The following COG5 variants were observed in gnomAD, a reference collection of about 807,000 sequenced individuals.
The protein encoded by COG5 is conserved oligomeric Golgi complex subunit 5.
Under a neutral mutation model 110.4 loss-of-function variants are expected in COG5, and 86 were observed. That is an observed-to-expected ratio of 0.78 (90% confidence interval 0.65 to 0.93). The LOEUF (loss-of-function observed/expected upper bound fraction) is 0.93. Among genes scored for constraint, COG5 ranks in the 40% least tolerant of loss-of-function variants. COG5 has a pLI of 0.00. For synonymous variants in COG5, 360 were observed against 334.6 expected (o/e 1.08, Z -0.83); for missense variants, 1,077 against 987.0 (o/e 1.09, Z -1.22).
chr7:107,429,691 G>C (rs1477685241), intron 6 of COG5, among the ~76,000 whole-genome samples: 1 of 152,140 alleles, frequency 6.6e-6, no homozygotes, highest in East Asian at 1.9e-4. Context: ...GGACCTGGTG[G>C]GAGGTAATCC....
At chr7:107,323,383 T>C (rs530120528) in intron 11 of COG5, among the ~76,000 whole-genome samples, 24 of 151,904 alleles carry the variant, frequency 1.6e-4, no homozygotes, top group Non-Finnish European at 3.4e-4. Context: ...ACAAAAAAAT[T>C]AGCCAGGAGT....
At chr7:107,492,167 T>TTGTGTGTGTGTG (rs1798010608) in intron 6 of COG5, among the ~76,000 whole-genome samples, 1 of 78,440 alleles carries the variant, frequency 1.3e-5, no homozygotes, top group Non-Finnish European at 2.8e-5. Flanking sequence ...CAACAATGGG[T>TTGTGTGTGTGTG]AGTGTGTGTG....
At chr7:107,534,083 T>C (rs1801404648) in intron 5 of COG5, among the ~76,000 whole-genome samples, 1 of 151,318 alleles carries the variant, frequency 6.6e-6, no homozygotes, top group Non-Finnish European at 1.5e-5. Context: ...ATAAGCAAAG[T>C]AGAAATAAAA....
chr7:107,229,805 C>T (rs1436213178), intron 19 of COG5, among the ~76,000 whole-genome samples: 3 of 148,876 alleles, frequency 2.0e-5, no homozygotes, highest in African/African-American at 7.4e-5. Flanking sequence ...CTCTGCACTT[C>T]ATCATTGAAC....
intron 6 of COG5, among the ~76,000 whole-genome samples, chr7:107,515,393 C>T (rs1312559297): frequency 4.6e-5 from 7 of 152,158 alleles, no homozygotes; most frequent in African/African-American, 1.7e-4. Context: ...AAGTTTATCA[C>T]GGTAACCTAT....
rs539381039 is a variant in COG5, at chr7:107,278,535, C to T, written c.1575+2765G>A. On this transcript the variant is annotated intron_variant, in intron 14 of 21. Transcript: ENST00000297135. ...AATATGCAGTGTTTGGTTTTCTGTT[C>T]CTGTGTTTGTTTGCTGAGAATGATG... 3.8e-3 allele frequency among the ~76,000 whole-genome samples: 573 copies of T among 152,240 alleles called. 5 individuals carry two copies. Among genetic ancestry groups the T allele is most frequent in the Non-Finnish European group, 6.2e-3 (422 of 68,038 alleles).
intron 11 of COG5, among the ~76,000 whole-genome samples, chr7:107,302,330 T>C (rs1407215876): frequency 6.6e-6 from 1 of 152,118 alleles, no homozygotes; most frequent in Non-Finnish European, 1.5e-5. Context: ...CAAACTACCA[T>C]ATAGTAACAA....
chr7:107,374,741 A>G (rs1311214159), intron 7 of COG5, among the ~76,000 whole-genome samples: 2 of 152,084 alleles, frequency 1.3e-5, no homozygotes, highest in African/African-American at 4.8e-5. Context: ...TATTTATAAT[A>G]CAATTTACAA....
At chr7:107,493,412 C>A in intron 6 of COG5, among the ~76,000 whole-genome samples, 1 of 152,136 alleles carries the variant, frequency 6.6e-6, no homozygotes, top group East Asian at 1.9e-4. Context: ...TTAAATATTA[C>A]CACTATGAGT....
chr7:107,541,496 C>CAAAA (rs869244428), intron 5 of COG5, among the ~76,000 whole-genome samples: 28 of 31,948 alleles, frequency 8.8e-4, no homozygotes, highest in African/African-American at 1.0e-3. Flanking sequence ...GACCCTGTCT[C>CAAAA]AAAAAAAAAA....
chr7:107,416,342 A>G (rs1331850483), intron 6 of COG5, among the ~76,000 whole-genome samples: 1 of 152,108 alleles, frequency 6.6e-6, no homozygotes, highest in African/African-American at 2.4e-5. Context: ...CATATGGTAT[A>G]AATATCAATA....
At chr7:107,561,277 T>C (rs905963803) in intron 1 of COG5, among the ~76,000 whole-genome samples, 1 of 152,184 alleles carries the variant, frequency 6.6e-6, no homozygotes, top group Non-Finnish European at 1.5e-5. Flanking sequence ...AGCCTATCAA[T>C]CCGATACTCT....
intron 6 of COG5, among the ~76,000 whole-genome samples, chr7:107,491,200 A>G (rs148346490): frequency 3.3e-5 from 5 of 152,196 alleles, no homozygotes; most frequent in African/African-American, 9.6e-5. Context: ...TCTATCCTCT[A>G]CCTTCTGTCC....
In COG5 at chr7:107,508,500, A is replaced by G. The variant is rs188493263; in HGVS notation, c.538+18737T>C. 3.3e-3 allele frequency among the ~76,000 whole-genome samples: 503 copies of G among 152,344 alleles called. 3 individuals are homozygous for G. The highest frequency in any genetic ancestry group is 0.012 in the African/African-American group (479 of 41,582). On this transcript the variant is annotated intron_variant, in intron 6 of 21. Coordinates refer to ENST00000297135, the MANE Select transcript of COG5 (RefSeq NM_006348.5). Reference sequence around the variant, plus strand: ...GACAGCAGTAACCTCTGCAGACTTAAAGGTCCCTGTCTGACAGCTTTGAAG... The same window carrying G: ...GACAGCAGTAACCTCTGCAGACTTAGAGGTCCCTGTCTGACAGCTTTGAAG...
chr7:107,415,233 G>A (rs1261044985), intron 6 of COG5, among the ~76,000 whole-genome samples: 2 of 151,890 alleles, frequency 1.3e-5, no homozygotes, highest in African/African-American at 2.4e-5. Flanking sequence ...GAATGAGGAG[G>A]GTAAATCTTC....
chr7:107,467,408 G>A (rs1411945700), intron 6 of COG5, among the ~76,000 whole-genome samples: 2 of 152,142 alleles, frequency 1.3e-5, no homozygotes, highest in East Asian at 1.9e-4. Context: ...CAGGCTGGAG[G>A]GGTAGCGGTG....
chr7:107,521,880 C>T (rs931329646), intron 6 of COG5, among the ~76,000 whole-genome samples: 11 of 152,106 alleles, frequency 7.2e-5, no homozygotes, highest in African/African-American at 2.2e-4. Flanking sequence ...ATGAAACCAA[C>T]GCAAATGTCC....
intron 7 of COG5, among the ~76,000 whole-genome samples, chr7:107,402,445 T>C (rs928950681): frequency 6.6e-6 from 1 of 152,202 alleles, no homozygotes; most frequent in African/African-American, 2.4e-5. Context: ...GGAAAGCTTC[T>C]AATTCACAAG....
chr7:107,447,418 T>C (rs1428585748), intron 6 of COG5, among the ~76,000 whole-genome samples: 2 of 152,226 alleles, frequency 1.3e-5, no homozygotes, highest in Non-Finnish European at 1.5e-5. Flanking sequence ...TAGGGGGCTA[T>C]TATTCTTCAG....
Sources: gnomAD v4.1 joint callset for allele counts (sites outside exome capture counted in the v4.1 genomes callset) on GRCh38, gnomAD v4.1.1 for gene constraint, MANE v1.5 for transcripts, NCBI Gene and HGNC (gene_info 2026-07-23, HGNC 2026-07-21) for gene names.